Variants in SPAG16 observed in about 807,000 individuals in gnomAD.
SPAG16 encodes sperm associated antigen 16, also known as sperm-associated antigen 16 protein.
A neutral mutation model predicts 80.4 loss-of-function variants in SPAG16; 86 were observed. The observed-to-expected ratio is 1.07, with a 90% CI of 0.90 to 1.28. The LOEUF (loss-of-function observed/expected upper bound fraction) is 1.28, where lower values mean the gene tolerates loss of function less well. SPAG16 is among the 50% of genes most tolerant of loss of function. The pLI is 0.00. For synonymous variants in SPAG16, 294 were observed against 265.9 expected (o/e 1.11, Z -1.03); for missense variants, 870 against 765.3 (o/e 1.14, Z -1.61).
intron 10 of SPAG16, among the ~76,000 whole-genome samples, chr2:213,703,921 ATATTTTGTACTCCT>A (rs2065621652): frequency 6.6e-6 from 1 of 152,158 alleles, no homozygotes; most frequent in Non-Finnish European, 1.5e-5. Context: ...ACCTTCCAAG[ATATTTTGTACTCCT>A]AAATTCAGCT....
chr2:213,985,128 T>G (rs548719955), intron 12 of SPAG16, among the ~76,000 whole-genome samples: 1 of 152,152 alleles, frequency 6.6e-6, no homozygotes, highest in South Asian at 2.1e-4. Flanking sequence ...CTGCTTAGAA[T>G]TGAGTGTAGA....
intron 15 of SPAG16, among the ~76,000 whole-genome samples, chr2:214,236,545 G>A (rs927710686): frequency 6.6e-6 from 1 of 151,892 alleles, no homozygotes; most frequent in Non-Finnish European, 1.5e-5. Flanking sequence ...CCAGCTACTC[G>A]GGAGGCTGAG....
chr2:214,409,174 G>A (rs191954920), intron 15 of SPAG16, among the ~76,000 whole-genome samples: 262 of 145,992 alleles, frequency 1.8e-3, no homozygotes, highest in African/African-American at 6.8e-3. Context: ...AGGATCATAC[G>A]GAATTATCCA....
chr2:213,375,648 A>T (rs938227646), intron 9 of SPAG16, among the ~76,000 whole-genome samples: 1 of 152,092 alleles, frequency 6.6e-6, no homozygotes, highest in Non-Finnish European at 1.5e-5. Flanking sequence ...AAAATGAAGA[A>T]AATTACATAA....
At chr2:214,345,972 GAATTATTTTC>G (rs1407996473) in intron 15 of SPAG16, among the ~76,000 whole-genome samples, 1 of 152,062 alleles carries the variant, frequency 6.6e-6, no homozygotes, top group East Asian at 1.9e-4. Context: ...GCTAACATTT[GAATTATTTTC>G]ATATTAGCTT....
intron 12 of SPAG16, among the ~76,000 whole-genome samples, chr2:213,954,129 A>G (rs1343895025): frequency 6.9e-6 from 1 of 144,434 alleles, no homozygotes; most frequent in African/African-American, 2.5e-5. Flanking sequence ...TCTCATAAAG[A>G]GTCACTCCTA....
At chr2:214,073,836 C>T (rs575167260) in intron 13 of SPAG16, among the ~76,000 whole-genome samples, 1 of 152,156 alleles carries the variant, frequency 6.6e-6, no homozygotes, top group Admixed American at 6.5e-5. Context: ...GATATTGGCT[C>T]AAAAATAGAC....
chr2:213,584,874 G>T (rs773604618), intron 10 of SPAG16, among the ~76,000 whole-genome samples: 3 of 152,106 alleles, frequency 2.0e-5, no homozygotes, highest in Non-Finnish European at 2.9e-5. Flanking sequence ...TGGCTAAAAT[G>T]TACTCTTATC....
intron 13 of SPAG16, among the ~76,000 whole-genome samples, chr2:214,032,278 T>G (rs986002258): frequency 2.6e-5 from 4 of 152,192 alleles, no homozygotes; most frequent in African/African-American, 9.6e-5. Flanking sequence ...CAAAGGTGAT[T>G]GTTAGCTCCA....
At chr2:213,722,113 A>G (rs924720817) in intron 10 of SPAG16, among the ~76,000 whole-genome samples, 5 of 152,222 alleles carry the variant, frequency 3.3e-5, no homozygotes, top group African/African-American at 1.2e-4. Context: ...AATGAAACTA[A>G]TTATAGTCTA....
chr2:214,038,535 T>TC (rs2048830261), intron 13 of SPAG16, among the ~76,000 whole-genome samples: 1 of 152,124 alleles, frequency 6.6e-6, no homozygotes, highest in Non-Finnish European at 1.5e-5. Context: ...TCAATTCATT[T>TC]CTTTTTTTTT....
At chr2:213,980,759 G>C (rs1315327854) in intron 12 of SPAG16, among the ~76,000 whole-genome samples, 3 of 140,090 alleles carry the variant, frequency 2.1e-5, no homozygotes, top group Non-Finnish European at 4.7e-5. Flanking sequence ...GAGAGAGAGA[G>C]TAAGCTGGGT....
chr2:214,115,803 G>A lies in SPAG16; in HGVS notation c.1593+7542G>A, dbSNP rs562290807. Among the ~76,000 whole-genome samples, 82 of 151,288 alleles carry A rather than the reference G, an allele frequency of 5.4e-4. 1 individual carries two copies. The highest frequency in any genetic ancestry group is 3.1e-3 in the South Asian group (15 of 4,768). On this transcript the variant is annotated intron_variant, in intron 14 of 15. Coordinates refer to ENST00000331683, the MANE Select transcript of SPAG16 (RefSeq NM_024532.5). ...TGAGGCAGGGGAATTGCTCAAACCCGGGAGACAGAGATTGCAGCGAGCTGA... is the reference window on the plus strand; with the variant it reads ...TGAGGCAGGGGAATTGCTCAAACCCAGGAGACAGAGATTGCAGCGAGCTGA...
chr2:214,271,492 T>A (rs182255470), intron 15 of SPAG16, among the ~76,000 whole-genome samples: 67 of 152,276 alleles, frequency 4.4e-4, no homozygotes, highest in Non-Finnish European at 2.9e-5. Flanking sequence ...CTTCAAACAA[T>A]ATATTGAAAC....
At chr2:213,659,486 T>A (rs2063342024) in intron 10 of SPAG16, among the ~76,000 whole-genome samples, 1 of 152,182 alleles carries the variant, frequency 6.6e-6, no homozygotes, top group Non-Finnish European at 1.5e-5. Context: ...CATCATTTTT[T>A]AAAATATAGC....
At chr2:213,367,096 G>A (rs551233829) in intron 8 of SPAG16, among the ~76,000 whole-genome samples, 10 of 152,130 alleles carry the variant, frequency 6.6e-5, no homozygotes, top group Non-Finnish European at 1.2e-4. Flanking sequence ...TTTCATCCAT[G>A]TCCCTACAAA....
chr2:213,321,976 G>A (rs2126150102), intron 5 of SPAG16, among the ~76,000 whole-genome samples: 2 of 152,014 alleles, frequency 1.3e-5, no homozygotes, highest in South Asian at 4.1e-4. Flanking sequence ...GGTGACCACA[G>A]TTGCAGAGAT....
At chr2:213,895,297 A>G (rs1315702104) in intron 11 of SPAG16, among the ~76,000 whole-genome samples, 1 of 152,056 alleles carries the variant, frequency 6.6e-6, no homozygotes, top group Non-Finnish European at 1.5e-5. Context: ...AAGATATTTC[A>G]TGCTCACGGA....
At chr2:214,408,045 A>AT (rs1702097075) in intron 15 of SPAG16, among the ~76,000 whole-genome samples, 1 of 152,186 alleles carries the variant, frequency 6.6e-6, no homozygotes, top group Non-Finnish European at 1.5e-5. Context: ...GAAAAAACAA[A>AT]TTTTTGGAAC....
Sources: gnomAD v4.1 joint callset for allele counts (sites outside exome capture counted in the v4.1 genomes callset) on GRCh38, gnomAD v4.1.1 for gene constraint, MANE v1.5 for transcripts, NCBI Gene and HGNC (gene_info 2026-07-23, HGNC 2026-07-21) for gene names.